Variants in SV2C observed in about 807,000 individuals in gnomAD.
The protein encoded by SV2C is synaptic vesicle glycoprotein 2C.
In SV2C, 49 loss-of-function variants were observed where a neutral mutation model predicts 79.7. The ratio of observed to expected loss-of-function variants is 0.61; its 90% CI spans 0.49 to 0.78. The LOEUF (loss-of-function observed/expected upper bound fraction) is 0.78. SV2C is among the 30% of genes least tolerant of loss of function. The pLI is 0.00. For synonymous variants in SV2C, 334 were observed against 333.2 expected, an observed-to-expected ratio of 1.00 and a Z score of -0.03; for missense variants, 833 against 912.9, an observed-to-expected ratio of 0.91 and a Z score of 1.13.
At chr5:76,315,720 G>A (rs184226671) in intron 12 of SV2C, among the ~76,000 whole-genome samples, 20 of 152,310 alleles carry the variant, frequency 1.3e-4, no homozygotes, top group African/African-American at 4.6e-4. Context: ...TGCCTCTGGT[G>A]AAATGAATTA....
chr5:76,188,216 A>G (rs67906951), intron 2 of SV2C, among the ~76,000 whole-genome samples: 14,055 of 152,258 alleles, frequency 0.092, 871 homozygotes, highest in Non-Finnish European at 0.13. Context: ...AGCTGAGATC[A>G]TGCCCCTGCA....
chr5:76,258,920 C>T (rs1210645239), intron 4 of SV2C, among the ~76,000 whole-genome samples: 1 of 152,196 alleles, frequency 6.6e-6, no homozygotes, highest in Non-Finnish European at 1.5e-5. Flanking sequence ...AGCCTTCTGG[C>T]TTCTTTCACT....
chr5:76,323,693 A>T lies in SV2C; in HGVS notation c.2001-1671A>T, dbSNP rs1304977847. On this transcript the variant is annotated intron_variant, in intron 12 of 12. Transcript: ENST00000502798. The stretch of plus-strand genomic sequence containing the variant: ...AAATGTGGTACATGTACACCATGGA[A>T]TACTATGCAGCCATAAAAAAGGAAT... Among the ~76,000 whole-genome samples, 4 of 152,386 alleles carry T rather than the reference A, an allele frequency of 2.6e-5. 1 individual carries two copies. In the East Asian group the frequency reaches 7.7e-4, roughly 29 times the overall value.
At chr5:76,073,544 T>TATATAC in the SV2C span, among the ~76,000 whole-genome samples, 357 of 120,946 alleles carry the variant, frequency 3.0e-3, 2 homozygotes, top group Non-Finnish European at 5.4e-3. Context: ...TATATATATA[T>TATATAC]ACACCATGGA....
At chr5:76,004,624 G>T in the SV2C span, among the ~76,000 whole-genome samples, 1 of 152,104 alleles carries the variant, frequency 6.6e-6, no homozygotes, top group African/African-American at 2.4e-5. Flanking sequence ...AGCATCCCTA[G>T]GTTTCTTGAT....
intron 4 of SV2C, among the ~76,000 whole-genome samples, chr5:76,213,875 A>C (rs1014659701): frequency 3.9e-5 from 6 of 152,050 alleles, no homozygotes; most frequent in Admixed American, 3.9e-4. Context: ...ATCTCCCCCC[A>C]TCCCTCAATT....
the SV2C span, among the ~76,000 whole-genome samples, chr5:75,878,853 TA>T: frequency 0.017 from 2,514 of 148,496 alleles, 37 homozygotes; most frequent in African/African-American, 0.045. Flanking sequence ...TAATTTATAT[TA>T]AAAAAAAGGT....
chr5:75,910,581 A>G, the SV2C span: 1 of 703,326 alleles, frequency 1.4e-6, no homozygotes, highest in Admixed American at 1.8e-5. Flanking sequence ...AGTGAGATTG[A>G]GGAGAGAATT....
the SV2C span, among the ~76,000 whole-genome samples, chr5:76,035,581 G>T: frequency 6.7e-6 from 1 of 150,192 alleles, no homozygotes; most frequent in Non-Finnish European, 1.5e-5. Context: ...TCTTAATCCT[G>T]AGTTCTAGTT....
chr5:76,000,519 T>G, the SV2C span, among the ~76,000 whole-genome samples: 5 of 152,056 alleles, frequency 3.3e-5, no homozygotes, highest in Non-Finnish European at 7.4e-5. Flanking sequence ...TTTAACAAGC[T>G]CCCCATGATT....
At chr5:76,181,234 A>C (rs752399466) in intron 2 of SV2C, among the ~76,000 whole-genome samples, 1 of 152,146 alleles carries the variant, frequency 6.6e-6, no homozygotes, top group Non-Finnish European at 1.5e-5. Flanking sequence ...TAGGAACACA[A>C]CCACACCCAT....
chr5:76,152,645 G>T (rs1164527949), intron 2 of SV2C, among the ~76,000 whole-genome samples: 2 of 152,128 alleles, frequency 1.3e-5, no homozygotes, highest in Admixed American at 6.5e-5. Flanking sequence ...GCAGAGGTGT[G>T]GTGGGAAGAC....
the SV2C span, among the ~76,000 whole-genome samples, chr5:75,931,240 C>T: frequency 1.3e-5 from 2 of 152,222 alleles, no homozygotes; most frequent in African/African-American, 4.8e-5. Flanking sequence ...GCAGCTTTTC[C>T]TCCACATCTA....
intron 1 of SV2C, among the ~76,000 whole-genome samples, chr5:76,088,275 TTAGA>T (rs1445051775): frequency 6.6e-6 from 1 of 152,236 alleles, no homozygotes; most frequent in Non-Finnish European, 1.5e-5. Flanking sequence ...AAATTTGAAT[TTAGA>T]TAAACAATAA....
At chr5:76,210,036 C>T in intron 4 of SV2C, 149 bp downstream of exon 4, 1 of 970,000 alleles carries the variant, frequency 1.0e-6, no homozygotes, top group Non-Finnish European at 1.5e-6. Context: ...AGTTTTTCCC[C>T]TCTGTGTAGA....
the SV2C span, among the ~76,000 whole-genome samples, chr5:76,009,915 A>C: frequency 1.3e-5 from 2 of 152,048 alleles, no homozygotes; most frequent in Non-Finnish European, 2.9e-5. Context: ...AAAAGTGAAA[A>C]ATAAAATAAA....
At chr5:75,934,549 G>T in the SV2C span, among the ~76,000 whole-genome samples, 1 of 152,056 alleles carries the variant, frequency 6.6e-6, no homozygotes, top group East Asian at 1.9e-4. Flanking sequence ...GCCTCCCAAA[G>T]TGCTGGGATT....
the SV2C span, among the ~76,000 whole-genome samples, chr5:76,037,787 T>G: frequency 4.1e-4 from 62 of 152,356 alleles, no homozygotes; most frequent in Non-Finnish European, 5.9e-4. Context: ...TGGAGCTTCC[T>G]GGCTGCTTTG....
chr5:76,176,490 A>G (rs1037950114), intron 2 of SV2C, among the ~76,000 whole-genome samples: 4 of 152,150 alleles, frequency 2.6e-5, no homozygotes, highest in African/African-American at 7.2e-5. Flanking sequence ...ATCATGATCA[A>G]TTCTCCAATC....
Sources: gnomAD v4.1 joint callset for allele counts (sites outside exome capture counted in the v4.1 genomes callset) on GRCh38, gnomAD v4.1.1 for gene constraint, MANE v1.5 for transcripts, NCBI Gene and HGNC (gene_info 2026-07-23, HGNC 2026-07-21) for gene names.